Variants in ALK observed in about 807,000 individuals in gnomAD.
ALK encodes the protein ALK receptor tyrosine kinase, also known as ALK tyrosine kinase receptor.
Under a neutral mutation model 163.1 loss-of-function variants are expected in ALK, and 74 were observed. The observed-to-expected ratio is 0.45, with a 90% CI of 0.38 to 0.55. ALK has a LOEUF of 0.55. Among genes scored for constraint, ALK ranks in the 20% least tolerant of loss-of-function variants. The probability of loss-of-function intolerance (pLI) is 0.00; values close to 1 mark genes in which losing one functional copy is unlikely to be tolerated. For missense variants in ALK, 2,063 were observed against 2,105.3 expected (o/e 0.98, Z 0.39); for synonymous variants, 960 against 843.2 (o/e 1.14, Z -2.40).
At chr2:29,880,791 A>G (rs893623018) in intron 1 of ALK, among the ~76,000 whole-genome samples, 7 of 152,322 alleles carry the variant, frequency 4.6e-5, no homozygotes, top group African/African-American at 1.7e-4. Context: ...TGGAGCAACC[A>G]TGGGGCTATA....
At chr2:29,578,447 C>T (rs1052144697) in intron 3 of ALK, among the ~76,000 whole-genome samples, 2 of 152,168 alleles carry the variant, frequency 1.3e-5, no homozygotes, top group African/African-American at 2.4e-5. Context: ...CACCTGACTC[C>T]AGGCTGTTAA....
chr2:29,608,407 T>TGAG (rs1251349467), intron 3 of ALK, among the ~76,000 whole-genome samples: 3 of 152,188 alleles, frequency 2.0e-5, no homozygotes, highest in Non-Finnish European at 4.4e-5. Context: ...AACAGAGGTG[T>TGAG]GAGTTGTCTG....
intron 8 of ALK, among the ~76,000 whole-genome samples, chr2:29,313,510 T>C (rs891825520): frequency 2.6e-5 from 4 of 152,108 alleles, no homozygotes; most frequent in South Asian, 2.1e-4. Context: ...AATGAGGTGG[T>C]GGGGCTCTGA....
intron 8 of ALK, among the ~76,000 whole-genome samples, chr2:29,311,889 G>T (rs111364705): frequency 6.6e-6 from 1 of 152,170 alleles, no homozygotes; most frequent in South Asian, 2.1e-4. Context: ...TCTGCTGATG[G>T]GGCAGTGGAG....
intron 5 of ALK, among the ~76,000 whole-genome samples, chr2:29,359,986 C>G (rs570155373): frequency 6.6e-6 from 1 of 152,348 alleles, no homozygotes; most frequent in African/African-American, 2.4e-5. Flanking sequence ...AGCTGTTCCT[C>G]TCTCCAGGGG....
intron 1 of ALK, among the ~76,000 whole-genome samples, chr2:29,890,184 C>T (rs1047096339): frequency 1.1e-4 from 16 of 152,176 alleles, no homozygotes; most frequent in African/African-American, 3.9e-4. Flanking sequence ...TGTGCCTTTT[C>T]CCACCTCAAG....
chr2:29,388,093 T>C (rs1669075862), intron 4 of ALK, among the ~76,000 whole-genome samples: 1 of 152,172 alleles, frequency 6.6e-6, no homozygotes. Flanking sequence ...AGCTCTGACA[T>C]GGAAACAAAA....
intron 1 of ALK, among the ~76,000 whole-genome samples, chr2:29,796,849 G>T (rs1303849405): frequency 6.6e-6 from 1 of 152,010 alleles, no homozygotes; most frequent in Admixed American, 6.6e-5. Flanking sequence ...TTTAAATGTA[G>T]AAGAATAAGC....
At chr2:29,662,292 G>A (rs1677373424) in intron 3 of ALK, among the ~76,000 whole-genome samples, 1 of 152,128 alleles carries the variant, frequency 6.6e-6, no homozygotes, top group African/African-American at 2.4e-5. Flanking sequence ...AGGAAGATGA[G>A]TTTGAACCTC....
chr2:29,340,107 T>C (rs1452261016), intron 5 of ALK, among the ~76,000 whole-genome samples: 1 of 152,260 alleles, frequency 6.6e-6, no homozygotes. Flanking sequence ...TGTAATATTA[T>C]AAATGACCTC....
chr2:29,396,169 A>G (rs1409157133), intron 4 of ALK, among the ~76,000 whole-genome samples: 3 of 152,168 alleles, frequency 2.0e-5, no homozygotes, highest in African/African-American at 7.2e-5. Context: ...AAAGGCTCAC[A>G]AGCCCTCCCG....
intron 1 of ALK, among the ~76,000 whole-genome samples, chr2:29,719,593 C>G (rs1162745642): frequency 6.6e-6 from 1 of 152,208 alleles, no homozygotes; most frequent in African/African-American, 2.4e-5. Context: ...ATTTTGTTTA[C>G]TTCTTACAGT....
chr2:29,381,807 C>T (rs1462720105), intron 5 of ALK, among the ~76,000 whole-genome samples: 1 of 152,212 alleles, frequency 6.6e-6, no homozygotes, highest in African/African-American at 2.4e-5. Flanking sequence ...AAAGTAACCC[C>T]TTCCCTTTAA....
chr2:29,717,538 G>C, intron 2 of ALK, 40 bp downstream of exon 2: 4 of 1,609,906 alleles, frequency 2.5e-6, no homozygotes, highest in Non-Finnish European at 3.4e-6. Context: ...TTATGAGATA[G>C]TGACAGTGTA....
intron 5 of ALK, among the ~76,000 whole-genome samples, chr2:29,339,460 G>A (rs1384398885): frequency 1.3e-5 from 2 of 152,176 alleles, no homozygotes; most frequent in Non-Finnish European, 2.9e-5. Context: ...TGGCTGCGGA[G>A]GGAGGCCAAG....
chr2:29,616,177 G>C (rs933907660), intron 3 of ALK, among the ~76,000 whole-genome samples: 4 of 152,212 alleles, frequency 2.6e-5, no homozygotes, highest in African/African-American at 9.6e-5. Context: ...AAGGACACAG[G>C]AGAGGGAGCT....
chr2:29,848,586 T>C (rs2148399243), intron 1 of ALK, among the ~76,000 whole-genome samples: 1 of 152,290 alleles, frequency 6.6e-6, no homozygotes, highest in Non-Finnish European at 1.5e-5. Context: ...AATTTGTGTA[T>C]TGTTGAGGGT....
chr2:29,347,232 G>C (rs1667975723), intron 5 of ALK, among the ~76,000 whole-genome samples: 1 of 152,184 alleles, frequency 6.6e-6, no homozygotes, highest in Non-Finnish European at 1.5e-5. Flanking sequence ...GCTTCTCCTA[G>C]AACATTCTAA....
chr2:29,590,308 G>A (rs1344224239), intron 3 of ALK, among the ~76,000 whole-genome samples: 3 of 152,008 alleles, frequency 2.0e-5, no homozygotes, highest in Non-Finnish European at 4.4e-5. Context: ...ACTCTACAAC[G>A]GTCTACCCAA....
Sources: gnomAD v4.1 joint callset for allele counts (sites outside exome capture counted in the v4.1 genomes callset) on GRCh38, gnomAD v4.1.1 for gene constraint, MANE v1.5 for transcripts, NCBI Gene and HGNC (gene_info 2026-07-23, HGNC 2026-07-21) for gene names.